The following C1orf21 variants were observed in gnomAD, a reference collection of about 807,000 sequenced individuals.
C1orf21 encodes uncharacterized protein C1orf21.
C1orf21 carries 3 observed loss-of-function variants against 18.7 expected under a neutral mutation model. That is an observed-to-expected ratio of 0.16 (90% CI 0.07 to 0.42). C1orf21 has a LOEUF of 0.42. Among genes scored for constraint, C1orf21 ranks in the 10% least tolerant of loss-of-function variants. C1orf21 has a pLI of 0.99. For missense variants in C1orf21, 104 were observed against 143.6 expected (o/e 0.72, Z 1.41); for synonymous variants, 41 against 46.4 (o/e 0.88, Z 0.47).
intron 1 of C1orf21, among the ~76,000 whole-genome samples, chr1:184,440,418 T>C (rs1656924633): frequency 6.6e-6 from 1 of 152,006 alleles, no homozygotes; most frequent in Admixed American, 6.6e-5. Context: ...TTTGTTGTTG[T>C]TGTTTGTATT....
Position 184,620,890 on chromosome 1 carries a change from T to C in C1orf21, c.*1334T>C, listed in dbSNP as rs1190566443. 1 of 152,654 alleles carries C rather than the reference T, an allele frequency of 6.6e-6. No homozygotes were observed. The highest frequency in any genetic ancestry group is 2.4e-5 in the African/African-American group (1 of 41,448). The allele number at this position is 152,654 out of a possible 1,614,324, so 9.5% of individuals were successfully genotyped here. ...GAAAATAACTTTTGTATTTTTTTAA[T>C]GTGTTTGATAGCTTTGACGAGGGTT... On this transcript the variant is annotated 3_prime_UTR_variant, in exon 6 of 6. Transcript: ENST00000235307.
At chr1:184,565,975 AAG>A (rs1659030942) in intron 3 of C1orf21, among the ~76,000 whole-genome samples, 1 of 152,156 alleles carries the variant, frequency 6.6e-6, no homozygotes, top group South Asian at 2.1e-4. Flanking sequence ...GATGGAATGA[AAG>A]AGATAATATA....
At chr1:184,400,713 G>T (rs1056471057) in intron 1 of C1orf21, among the ~76,000 whole-genome samples, 1 of 151,910 alleles carries the variant, frequency 6.6e-6, no homozygotes, top group African/African-American at 2.4e-5. Context: ...TGTTGATGGG[G>T]GTTTATTTGT....
At chr1:184,515,862 G>A (rs1003341928) in intron 3 of C1orf21, among the ~76,000 whole-genome samples, 27 of 152,236 alleles carry the variant, frequency 1.8e-4, no homozygotes, top group African/African-American at 5.5e-4. Flanking sequence ...CCCCCAGGCC[G>A]GAGTGCAATG....
intron 3 of C1orf21, among the ~76,000 whole-genome samples, chr1:184,544,704 C>T (rs1360112455): frequency 6.6e-6 from 1 of 152,152 alleles, no homozygotes; most frequent in Non-Finnish European, 1.5e-5. Flanking sequence ...TTTATTATCT[C>T]ATACAGTTTC....
chr1:184,405,239 A>G (rs1004563647), intron 1 of C1orf21, among the ~76,000 whole-genome samples: 1 of 151,688 alleles, frequency 6.6e-6, no homozygotes, highest in African/African-American at 2.4e-5. Flanking sequence ...TCTGTTGCCC[A>G]TGCTGGAGTG....
chr1:184,572,739 G>A (rs552535649), intron 3 of C1orf21, among the ~76,000 whole-genome samples: 1 of 152,238 alleles, frequency 6.6e-6, no homozygotes, highest in East Asian at 1.9e-4. Flanking sequence ...GGATCATGAG[G>A]TGAGGAGTTT....
intron 2 of C1orf21, among the ~76,000 whole-genome samples, chr1:184,498,053 C>T (rs1036242025): frequency 6.6e-6 from 1 of 152,130 alleles, no homozygotes; most frequent in Non-Finnish European, 1.5e-5. Context: ...TGTATCTATT[C>T]TATGCCGCTC....
chr1:184,559,589 C>CCCTTCCTT (rs35574574), intron 3 of C1orf21, among the ~76,000 whole-genome samples: 28 of 98,656 alleles, frequency 2.8e-4, no homozygotes, highest in South Asian at 1.1e-3. Context: ...CTCTCTTCCT[C>CCCTTCCTT]CCTTCCTTCC....
chr1:184,593,760 A>G (rs1659477428), intron 4 of C1orf21, among the ~76,000 whole-genome samples: 3 of 152,230 alleles, frequency 2.0e-5, no homozygotes, highest in Admixed American at 2.0e-4. Context: ...GCGTGAATGC[A>G]CCACACTATA....
chr1:184,578,292 G>A (rs1448849438), intron 3 of C1orf21, among the ~76,000 whole-genome samples: 1 of 152,114 alleles, frequency 6.6e-6, no homozygotes, highest in Non-Finnish European at 1.5e-5. Context: ...CTGGGGACCA[G>A]GCAACAGGCA....
intron 3 of C1orf21, among the ~76,000 whole-genome samples, chr1:184,578,094 T>C (rs1659221040): frequency 6.6e-6 from 1 of 151,914 alleles, no homozygotes; most frequent in African/African-American, 2.4e-5. Flanking sequence ...ATAGCTGAGA[T>C]TACAGGCGCC....
At chr1:184,402,399 G>T (rs12117332) in intron 1 of C1orf21, among the ~76,000 whole-genome samples, 56,051 of 152,058 alleles carry the variant, frequency 0.37, 15,436 homozygotes, top group African/African-American at 0.79. Flanking sequence ...GGCAGAAGGA[G>T]CACTTGAGGC....
chr1:184,401,518 C>T (rs12085285), intron 1 of C1orf21, among the ~76,000 whole-genome samples: 41,908 of 152,058 alleles, frequency 0.28, 8,573 homozygotes, highest in African/African-American at 0.58. Flanking sequence ...TGAGCCACGG[C>T]GCCCAGCCCC....
At chr1:184,488,895 G>A (rs1350525631) in intron 2 of C1orf21, among the ~76,000 whole-genome samples, 2 of 152,278 alleles carry the variant, frequency 1.3e-5, no homozygotes, top group Admixed American at 6.5e-5. Flanking sequence ...AACCCAGGAG[G>A]CGGAGGTTGC....
intron 1 of C1orf21, among the ~76,000 whole-genome samples, chr1:184,469,249 TAAAAAC>T (rs980445397): frequency 6.6e-6 from 1 of 152,138 alleles, no homozygotes; most frequent in Non-Finnish European, 1.5e-5. Flanking sequence ...GACTCTGTAA[TAAAAAC>T]AAAACAAACG....
At chr1:184,456,142 G>C (rs776241128) in intron 1 of C1orf21, among the ~76,000 whole-genome samples, 3 of 152,194 alleles carry the variant, frequency 2.0e-5, no homozygotes, top group Non-Finnish European at 4.4e-5. Context: ...TATTGGCCTT[G>C]TAGGGAAAAT....
intron 3 of C1orf21, among the ~76,000 whole-genome samples, chr1:184,580,545 T>C (rs1659261774): frequency 6.6e-6 from 1 of 152,256 alleles, no homozygotes; most frequent in African/African-American, 2.4e-5. Flanking sequence ...TTGATGTGGA[T>C]GGTCTGCCCC....
intron 3 of C1orf21, among the ~76,000 whole-genome samples, chr1:184,531,755 A>G (rs1482834644): frequency 2.0e-5 from 3 of 152,174 alleles, no homozygotes; most frequent in Admixed American, 2.0e-4. Flanking sequence ...GGTCAAGAGC[A>G]GGTCAGTCAG....
Sources: allele counts gnomAD v4.1 joint callset (sites outside exome capture counted in the v4.1 genomes callset), GRCh38; gene constraint gnomAD v4.1.1; transcripts MANE v1.5; gene names NCBI Gene and HGNC (gene_info 2026-07-23, HGNC 2026-07-21).